The following ARRB1 variants were observed in gnomAD, a reference collection of about 807,000 sequenced individuals.
ARRB1 encodes arrestin beta 1, also known as beta-arrestin-1.
Under a neutral mutation model 56.8 loss-of-function variants are expected in ARRB1, and 21 were observed. The observed-to-expected ratio is 0.37, with a 90% CI of 0.26 to 0.53. ARRB1 has a LOEUF of 0.53. ARRB1 is among the 20% of genes least tolerant of loss of function. ARRB1 has a pLI of 0.88. For missense variants in ARRB1, 424 were observed against 553.7 expected, an observed-to-expected ratio of 0.77 and a Z score of 2.35; for synonymous variants, 210 against 218.6, an observed-to-expected ratio of 0.96 and a Z score of 0.35.
chr11:75,305,680 T>C (rs573493371), intron 1 of ARRB1, among the ~76,000 whole-genome samples: 5 of 152,276 alleles, frequency 3.3e-5, no homozygotes, highest in African/African-American at 1.2e-4. Flanking sequence ...GTTTCCAGCC[T>C]AGGCAGACGA....
intron 1 of ARRB1, among the ~76,000 whole-genome samples, chr11:75,299,618 G>C (rs961436863): frequency 7.2e-5 from 11 of 152,156 alleles, no homozygotes; most frequent in African/African-American, 2.4e-4. Context: ...CCTTTTTCCA[G>C]GAAGCCTTCC....
chr11:75,295,241 A>C (rs1459673499), intron 1 of ARRB1, among the ~76,000 whole-genome samples: 6 of 151,270 alleles, frequency 4.0e-5, no homozygotes, highest in Non-Finnish European at 8.8e-5. Context: ...AAAAAAAAAA[A>C]AAAAACACAC....
chr11:75,274,431 G>C, intron 10 of ARRB1: 1 of 556,274 alleles, frequency 1.8e-6, no homozygotes, highest in Non-Finnish European at 3.2e-6. Context: ...AAACAGGACT[G>C]AATCTCGGAT....
intron 1 of ARRB1, among the ~76,000 whole-genome samples, chr11:75,314,696 G>A (rs1481379316): frequency 6.6e-6 from 1 of 152,012 alleles, no homozygotes; most frequent in Non-Finnish European, 1.5e-5. Context: ...GACCTCCCCA[G>A]GCTCAGGTGA....
At chr11:75,269,757 G>A (rs1946032846) in intron 13 of ARRB1, among the ~76,000 whole-genome samples, 1 of 150,490 alleles carries the variant, frequency 6.6e-6, no homozygotes. Flanking sequence ...TGAGGCATGA[G>A]GAGATTAAAA....
intron 6 of ARRB1, 56 bp downstream of exon 6, chr11:75,281,906 A>T: frequency 6.4e-7 from 1 of 1,564,972 alleles, no homozygotes; most frequent in Non-Finnish European, 8.8e-7. Flanking sequence ...AAAGCCAGGG[A>T]CCTGGGGACA....
chr11:75,340,556 G>T (rs1332608594), intron 1 of ARRB1, among the ~76,000 whole-genome samples: 2 of 152,214 alleles, frequency 1.3e-5, no homozygotes, highest in African/African-American at 4.8e-5. Context: ...GAGAGGCTGT[G>T]GGGGCTGGGG....
chr11:75,265,761 T>G lies in ARRB1; in HGVS notation c.*402A>C, dbSNP rs766995919. The G allele has an allele frequency of 1.8e-5, 4 of 224,696 alleles. No homozygotes were observed. Among genetic ancestry groups the G allele is most frequent in the African/African-American group, 9.1e-5 (4 of 43,732 alleles). 13.9% of individuals were successfully genotyped at this position (224,696 alleles called of 1,614,324 possible). ...GAACTTTGTTAACCACCTGGGACCGTGGACATCTTCTCTCGTGTCTTGAGC... is the reference window on the plus strand; with the variant it reads ...GAACTTTGTTAACCACCTGGGACCGGGGACATCTTCTCTCGTGTCTTGAGC... On this transcript the variant is annotated 3_prime_UTR_variant, in exon 16 of 16. Transcript: ENST00000420843.
intron 8 of ARRB1, 107 bp downstream of exon 8, chr11:75,278,502 T>C (rs1946250214): frequency 2.7e-6 from 4 of 1,486,634 alleles, no homozygotes; most frequent in East Asian, 2.4e-5. Context: ...GGGCTGGGGA[T>C]AGAAGCTCCT....
chr11:75,285,556 T>G (rs758768229), intron 3 of ARRB1, among the ~76,000 whole-genome samples: 4 of 152,166 alleles, frequency 2.6e-5, no homozygotes, highest in Non-Finnish European at 5.9e-5. Flanking sequence ...CTTGGACTTG[T>G]GTGCAGGTTT....
In ARRB1 at chr11:75,261,563, CTG is replaced by C. The variant is rs1945791809; in HGVS notation, c.*4598_*4599del. ...TCCGCAGCACCTGGTTTGAAAACCA[CTG>C]TGTCAGTGTCTACAAACCATAGGCC... On this transcript the variant is annotated 3_prime_UTR_variant, in exon 16 of 16. Coordinates refer to ENST00000420843, the MANE Select transcript of ARRB1 (RefSeq NM_004041.5). 1 of 152,240 alleles carries C rather than the reference CTG, an allele frequency of 6.6e-6. No homozygotes were observed. Among genetic ancestry groups the C allele is most frequent in the East Asian group, 1.9e-4 (1 of 5,186 alleles). 9.4% of individuals were successfully genotyped at this position (152,240 alleles called of 1,614,324 possible).
chr11:75,276,876 C>A lies in ARRB1; in HGVS notation c.739G>T (p.Ala247Ser). 1.9e-6 allele frequency: 3 copies of A among 1,614,196 alleles called. No homozygotes were observed. The highest frequency in any genetic ancestry group is 2.5e-6 in the Non-Finnish European group (3 of 1,180,016). ...ATGGCAACAGGGCACTTGTACTGAG[C>A]TGTGTTGAAAAGGCAGATGTCTGCA... ...QYADICLFNT[A>S]QYKCPVAMEE... Residue 247 changes from alanine to serine, a missense_variant, in exon 10 of 16, where the codon GCT (alanine) becomes TCT (serine). Physicochemically the swap from Ala to Ser is moderately conservative, Grantham distance 99. Coordinates refer to ENST00000420843, the MANE Select transcript of ARRB1 (RefSeq NM_004041.5).
chr11:75,286,517 C>T (rs781400837), intron 3 of ARRB1, among the ~76,000 whole-genome samples: 1 of 151,770 alleles, frequency 6.6e-6, no homozygotes, highest in Admixed American at 6.6e-5. Context: ...TTGGGTGATC[C>T]ACCTCCCAAA....
intron 1 of ARRB1, among the ~76,000 whole-genome samples, chr11:75,309,356 T>A (rs904844660): frequency 9.9e-5 from 15 of 152,258 alleles, no homozygotes; most frequent in African/African-American, 2.7e-4. Context: ...CCCCCCAGGA[T>A]GGGAGCTCCT....
intron 1 of ARRB1, among the ~76,000 whole-genome samples, chr11:75,290,330 G>A (rs1371376437): frequency 6.6e-6 from 1 of 152,174 alleles, no homozygotes; most frequent in Non-Finnish European, 1.5e-5. Context: ...GCTCAAGTGA[G>A]GAAAAGCCTG....
chr11:75,300,771 C>T (rs1247912414), intron 1 of ARRB1, among the ~76,000 whole-genome samples: 1 of 149,160 alleles, frequency 6.7e-6, no homozygotes, highest in African/African-American at 2.6e-5. Context: ...TCGAGACCAT[C>T]CTGGCTAACA....
chr11:75,339,798 G>C (rs569796), intron 1 of ARRB1, among the ~76,000 whole-genome samples: 32,654 of 152,198 alleles, frequency 0.21, 3,916 homozygotes, highest in Non-Finnish European at 0.29. Flanking sequence ...CACAGGGCCC[G>C]GGGTGTGGCA....
chr11:75,320,806 A>T (rs900111379), intron 1 of ARRB1, among the ~76,000 whole-genome samples: 2 of 152,220 alleles, frequency 1.3e-5, no homozygotes, highest in Admixed American at 6.5e-5. Context: ...CCAGAAGAGG[A>T]AGTGCCAGCA....
chr11:75,277,105 A>C (rs1007722707), intron 9 of ARRB1, among the ~76,000 whole-genome samples, 194 bp from the exon 10 acceptor site: 3 of 151,820 alleles, frequency 2.0e-5, no homozygotes, highest in African/African-American at 4.8e-5. Flanking sequence ...TCCATAACCA[A>C]AGCCTTCCCC....
Sources: allele counts gnomAD v4.1 joint callset (sites outside exome capture counted in the v4.1 genomes callset), GRCh38; gene constraint gnomAD v4.1.1; transcripts MANE v1.5; gene names NCBI Gene and HGNC (gene_info 2026-07-23, HGNC 2026-07-21).